TMPRSS11F: variants seen among roughly 807,000 people sequenced by gnomAD.
TMPRSS11F encodes transmembrane protease serine 11F.
In TMPRSS11F, 47 loss-of-function variants were observed where a neutral mutation model predicts 60.2. The observed-to-expected ratio is 0.78, with a 90% confidence interval of 0.62 to 1.00. The LOEUF (loss-of-function observed/expected upper bound fraction) is 1.00. Ranked by LOEUF, TMPRSS11F falls within the 50% of genes least tolerant of loss-of-function variation. The pLI, the probability that TMPRSS11F is intolerant of heterozygous loss-of-function variation, is 0.00. For synonymous variants in TMPRSS11F, 166 were observed against 167.3 expected (o/e 0.99, Z 0.06); for missense variants, 519 against 522.9 (o/e 0.99, Z 0.07).
intron 1 of TMPRSS11F, among the ~76,000 whole-genome samples, chr4:68,119,644 A>G (rs527923602): frequency 3.3e-5 from 5 of 152,306 alleles, no homozygotes; most frequent in African/African-American, 1.2e-4. Context: ...ATGGTTTACC[A>G]AATATTTTAA....
intron 1 of TMPRSS11F, among the ~76,000 whole-genome samples, chr4:68,099,893 T>C (rs1724154178): frequency 6.6e-6 from 1 of 152,106 alleles, no homozygotes; most frequent in Non-Finnish European, 1.5e-5. Context: ...GAAACAGACA[T>C]GGAAACAAGT....
rs1476120782 is a variant in TMPRSS11F at position 68,120,263 on chromosome 4, A to G, written c.11+9547T>C. ...GAAAAGAAAGGATTTGGAATAATACATATGCTTAGTTGATAAAGCAGTGGC... is the reference window on the plus strand; with the variant it reads ...GAAAAGAAAGGATTTGGAATAATACGTATGCTTAGTTGATAAAGCAGTGGC... On this transcript the variant is annotated intron_variant, in intron 1 of 9. Coordinates refer to ENST00000356291, the MANE Select transcript of TMPRSS11F (RefSeq NM_207407.2). 5.9e-5 allele frequency among the ~76,000 whole-genome samples: 9 copies of G among 152,314 alleles called. 1 individual carries two copies. The East Asian group carries it at 1.7e-3, about 29-fold the overall frequency.
chr4:68,092,173 T>A (rs1170331750), intron 2 of TMPRSS11F, among the ~76,000 whole-genome samples: 1 of 151,674 alleles, frequency 6.6e-6, no homozygotes, highest in African/African-American at 2.4e-5. Context: ...TTTAAATTTT[T>A]TTAAATGTTA....
At chr4:68,095,151 C>A (rs1388434435) in intron 2 of TMPRSS11F, among the ~76,000 whole-genome samples, 2 of 150,876 alleles carry the variant, frequency 1.3e-5, no homozygotes, top group African/African-American at 4.9e-5. Context: ...TATACATCAT[C>A]ATAATACATA....
At chr4:68,090,683 T>A (rs772695300) in intron 2 of TMPRSS11F, 42 bp from the exon 3 acceptor site, 2 of 1,565,576 alleles carry the variant, frequency 1.3e-6, no homozygotes, top group South Asian at 2.3e-5. Flanking sequence ...TTAAAGGTAA[T>A]AAGTTGTTTT....
chr4:68,053,976 T>C lies in TMPRSS11F; in HGVS notation c.1250A>G (p.Lys417Arg), dbSNP rs1722992019. 3 of 1,613,338 alleles carry C rather than the reference T, an allele frequency of 1.9e-6. No individual in the cohort carries two copies. The Admixed American group carries it at 5.0e-5, about 27-fold the overall frequency. ...TACTCTGGTGTAGACTCCAGGTTTT[T>C]TGGGAAGTGCACATGATTGTCCCCA... Reference protein sequence around the residue: ...VSWGQSCALPKKPGVYTRVTK... With the variant: ...VSWGQSCALPRKPGVYTRVTK... The change falls in exon 10 of 10, where the codon AAA becomes AGA. Residue 417 changes from lysine to arginine, a missense_variant. By Grantham distance (26) the Lys-to-Arg change is conservative. Transcript: ENST00000356291.
chr4:68,098,832 C>A (rs1724131230), intron 2 of TMPRSS11F, 55 bp downstream of exon 2: 2 of 1,490,356 alleles, frequency 1.3e-6, no homozygotes, highest in East Asian at 4.6e-5. Context: ...CAGAAAATTT[C>A]AAGATACGAA....
chr4:68,107,385 G>A (rs1159702465), intron 1 of TMPRSS11F, among the ~76,000 whole-genome samples: 1 of 152,202 alleles, frequency 6.6e-6, no homozygotes, highest in East Asian at 1.9e-4. Flanking sequence ...CCAGGGTACA[G>A]TGAGGGAGGT....
intron 9 of TMPRSS11F, 111 bp from the exon 10 acceptor site, chr4:68,054,178 G>T: frequency 1.1e-6 from 1 of 875,110 alleles, no homozygotes; most frequent in Non-Finnish European, 1.7e-6. Context: ...ACCACAGCCA[G>T]ACTACAGACT....
At chr4:68,098,763 A>G (rs1724129822) in intron 2 of TMPRSS11F, 124 bp downstream of exon 2, 1 of 882,802 alleles carries the variant, frequency 1.1e-6, no homozygotes, top group African/African-American at 1.7e-5. Flanking sequence ...ATAATTTAAC[A>G]TCAGTAAAAG....
chr4:68,088,981 G>C (rs1460184933), intron 3 of TMPRSS11F, among the ~76,000 whole-genome samples: 1 of 151,822 alleles, frequency 6.6e-6, no homozygotes, highest in African/African-American at 2.4e-5. Flanking sequence ...ACTGCCCAAA[G>C]CAGTTTAGAG....
intron 8 of TMPRSS11F, chr4:68,062,631 A>G (rs898307434): frequency 1.2e-6 from 1 of 817,072 alleles, no homozygotes; most frequent in African/African-American, 1.7e-5. Context: ...TCTTCTCCAG[A>G]GCTGTTGAGA....
chr4:68,060,288 A>C (rs1723134573), intron 8 of TMPRSS11F, among the ~76,000 whole-genome samples: 1 of 151,264 alleles, frequency 6.6e-6, no homozygotes, highest in Non-Finnish European at 1.5e-5. Context: ...CGGGCGGATC[A>C]TGAGGTCAGG....
chr4:68,089,209 T>C (rs1284907238), intron 3 of TMPRSS11F, among the ~76,000 whole-genome samples: 3 of 152,262 alleles, frequency 2.0e-5, no homozygotes, highest in East Asian at 1.9e-4. Flanking sequence ...GAGTGAAATA[T>C]AGAATACAGG....
intron 1 of TMPRSS11F, among the ~76,000 whole-genome samples, chr4:68,125,185 C>T (rs932943631): frequency 6.6e-6 from 1 of 151,166 alleles, no homozygotes; most frequent in African/African-American, 2.4e-5. Flanking sequence ...GTAGATTATA[C>T]TGTATATTTT....
intron 1 of TMPRSS11F, among the ~76,000 whole-genome samples, chr4:68,125,439 A>C (rs1337739590): frequency 6.6e-6 from 1 of 152,160 alleles, no homozygotes; most frequent in African/African-American, 2.4e-5. Context: ...AAGTTTAGTC[A>C]TATATGATAC....
At chr4:68,128,054 A>G (rs943621582) in intron 1 of TMPRSS11F, among the ~76,000 whole-genome samples, 4 of 152,136 alleles carry the variant, frequency 2.6e-5, no homozygotes, top group African/African-American at 7.2e-5. Context: ...TCTTGAACAC[A>G]TCTAAATGAT....
At chr4:68,069,644 A>C (rs959764513) in intron 6 of TMPRSS11F, among the ~76,000 whole-genome samples, 1 of 152,048 alleles carries the variant, frequency 6.6e-6, no homozygotes, top group Admixed American at 6.5e-5. Flanking sequence ...TAAAGCCTAA[A>C]TGTTACCAGT....
At chr4:68,097,388 G>T (rs1724094803) in intron 2 of TMPRSS11F, among the ~76,000 whole-genome samples, 1 of 152,060 alleles carries the variant, frequency 6.6e-6, no homozygotes, top group Non-Finnish European at 1.5e-5. Flanking sequence ...TTTGCTGATG[G>T]TCCCATTTTA....
Sources: allele counts gnomAD v4.1 joint callset (sites outside exome capture counted in the v4.1 genomes callset), GRCh38; gene constraint gnomAD v4.1.1; transcripts MANE v1.5; gene names NCBI Gene and HGNC (gene_info 2026-07-23, HGNC 2026-07-21).